Variants in HTR1F observed in about 807,000 individuals in gnomAD.
HTR1F encodes the protein 5-hydroxytryptamine (serotonin) receptor 1F, G protein-coupled.
HTR1F carries 17 observed loss-of-function variants against 24.0 expected under a neutral mutation model. The observed-to-expected ratio is 0.71, with a 90% CI of 0.48 to 1.06. The LOEUF (loss-of-function observed/expected upper bound fraction) is 1.06. Among genes scored for constraint, HTR1F ranks in the 50% least tolerant of loss-of-function variants. HTR1F has a pLI of 0.00. For missense variants in HTR1F, 391 were observed against 427.8 expected, an observed-to-expected ratio of 0.91 and a Z score of 0.76; for synonymous variants, 186 against 156.8, an observed-to-expected ratio of 1.19 and a Z score of -1.39.
At chr3:87,945,416 G>A (rs1287145183) in intron 2 of HTR1F, among the ~76,000 whole-genome samples, 3 of 152,184 alleles carry the variant, frequency 2.0e-5, no homozygotes, top group Non-Finnish European at 2.9e-5. Context: ...GAGGTAAGGA[G>A]AATTTTGGGG....
chr3:87,816,251 A>G (rs1044638212), intron 1 of HTR1F, among the ~76,000 whole-genome samples: 1 of 152,086 alleles, frequency 6.6e-6, no homozygotes, highest in Non-Finnish European at 1.5e-5. Context: ...GCATTTGACC[A>G]TGACTTACAG....
intron 2 of HTR1F, among the ~76,000 whole-genome samples, chr3:87,904,736 A>C (rs145903097): frequency 6.6e-6 from 1 of 152,144 alleles, no homozygotes; most frequent in Admixed American, 6.6e-5. Flanking sequence ...AGCCAAGCAC[A>C]ATAGAATGCA....
At chr3:87,890,034 C>T (rs1277002290) in intron 2 of HTR1F, among the ~76,000 whole-genome samples, 1 of 152,058 alleles carries the variant, frequency 6.6e-6, no homozygotes, top group African/African-American at 2.4e-5. Context: ...AGTTTAGAAC[C>T]CTGTGTTGTG....
At chr3:87,859,764 G>A (rs1705277145) in intron 2 of HTR1F, among the ~76,000 whole-genome samples, 1 of 152,158 alleles carries the variant, frequency 6.6e-6, no homozygotes, top group Non-Finnish European at 1.5e-5. Context: ...ATTCAGCCTA[G>A]GCCATGTCTT....
intron 2 of HTR1F, among the ~76,000 whole-genome samples, chr3:87,918,095 T>C (rs1189276079): frequency 6.6e-6 from 1 of 151,914 alleles, no homozygotes; most frequent in Non-Finnish European, 1.5e-5. Flanking sequence ...ATATACCACA[T>C]AAACAGCATT....
chr3:87,864,973 C>T (rs540508206), intron 2 of HTR1F, among the ~76,000 whole-genome samples: 1 of 151,566 alleles, frequency 6.6e-6, no homozygotes, highest in East Asian at 1.9e-4. Flanking sequence ...TTCCCTTCTA[C>T]AATGTTTTGA....
intron 2 of HTR1F, among the ~76,000 whole-genome samples, chr3:87,916,742 C>T (rs1703904036): frequency 6.6e-6 from 1 of 151,988 alleles, no homozygotes; most frequent in Non-Finnish European, 1.5e-5. Context: ...ACTAATAGAC[C>T]TAAGCAATGA....
intron 2 of HTR1F, among the ~76,000 whole-genome samples, chr3:87,902,378 C>A (rs189432480): frequency 3.1e-4 from 47 of 152,182 alleles, no homozygotes; most frequent in Admixed American, 2.9e-3. Flanking sequence ...GAATATGAAT[C>A]TTGATTCCTA....
At chr3:87,955,800 A>G (rs1039539075) in intron 2 of HTR1F, among the ~76,000 whole-genome samples, 3 of 151,426 alleles carry the variant, frequency 2.0e-5, no homozygotes, top group African/African-American at 7.2e-5. Flanking sequence ...GATGTTGACC[A>G]TATTCCCTGA....
chr3:87,821,001 T>A (rs1459895652), intron 1 of HTR1F, among the ~76,000 whole-genome samples: 1 of 152,188 alleles, frequency 6.6e-6, no homozygotes, highest in Admixed American at 6.5e-5. Context: ...TTCTCACTGA[T>A]TTGGACAACA....
At chr3:87,882,054 T>C (rs111800760) in intron 2 of HTR1F, among the ~76,000 whole-genome samples, 2 of 152,112 alleles carry the variant, frequency 1.3e-5, no homozygotes, top group African/African-American at 2.4e-5. Flanking sequence ...GTGAAAGACA[T>C]GAACAGACAC....
At position 87,937,083 on chromosome 3, in the gene HTR1F, C is replaced by CCAA. The variant is rs528673029; in HGVS notation, c.-42-53625_-42-53624insCAA. On this transcript the variant is annotated intron_variant, in intron 2 of 2. Transcript: ENST00000319595. ...TGGTACCATCCCTGTTGAAACTACC[C>CCAA]AAAAAAAAAAAAAAAAAGAGGACGG... 9.7e-5 allele frequency among the ~76,000 whole-genome samples: 11 copies of CCAA among 113,914 alleles called. 1 individual carries two copies. Among genetic ancestry groups the CCAA allele is most frequent in the Non-Finnish European group, 9.0e-5 (5 of 55,408 alleles). The allele number at this position is 113,914 out of a possible 152,430, so 74.7% of individuals were successfully genotyped here.
chr3:87,987,970 A>AAG (rs1185898745), intron 2 of HTR1F, among the ~76,000 whole-genome samples: 1 of 151,600 alleles, frequency 6.6e-6, no homozygotes, highest in Non-Finnish European at 1.5e-5. Flanking sequence ...GACAAAAGTC[A>AAG]AGAGAGAGAA....
chr3:87,827,048 T>C (rs1016520761), intron 2 of HTR1F, among the ~76,000 whole-genome samples: 2 of 152,034 alleles, frequency 1.3e-5, no homozygotes, highest in African/African-American at 4.8e-5. Context: ...TGAGCTCAAG[T>C]CATCTGCCAG....
intron 2 of HTR1F, among the ~76,000 whole-genome samples, chr3:87,858,767 G>A (rs1350646140): frequency 2.0e-5 from 3 of 152,006 alleles, no homozygotes; most frequent in Non-Finnish European, 2.9e-5. Context: ...ATAAAGAAAT[G>A]CTTTACCATG....
intron 1 of HTR1F, among the ~76,000 whole-genome samples, chr3:87,813,480 T>G (rs1255460884): frequency 6.6e-6 from 1 of 152,202 alleles, no homozygotes; most frequent in African/African-American, 2.4e-5. Context: ...TTGCCTTGTC[T>G]CAGGTGAGAC....
At chr3:87,931,060 T>G (rs1270794) in intron 2 of HTR1F, among the ~76,000 whole-genome samples, 1 of 149,466 alleles carries the variant, frequency 6.7e-6, no homozygotes, top group African/African-American at 2.5e-5. Flanking sequence ...TTTTTTATTG[T>G]TATTATTATA....
chr3:87,973,708 T>G (rs12489305), intron 2 of HTR1F, among the ~76,000 whole-genome samples: 13,748 of 152,250 alleles, frequency 0.09, 651 homozygotes, highest in African/African-American at 0.11. Context: ...CGGAAACTCC[T>G]GTAAAATTAC....
intron 2 of HTR1F, among the ~76,000 whole-genome samples, chr3:87,837,985 C>T (rs1327562043): frequency 4.6e-5 from 7 of 151,808 alleles, no homozygotes; most frequent in Admixed American, 2.6e-4. Flanking sequence ...ATTTTGTCCA[C>T]GTGGATACTA....
Sources: allele counts gnomAD v4.1 joint callset (sites outside exome capture counted in the v4.1 genomes callset), GRCh38; gene constraint gnomAD v4.1.1; transcripts MANE v1.5; gene names NCBI Gene and HGNC (gene_info 2026-07-23, HGNC 2026-07-21).